Variants in PARP15 observed in about 807,000 individuals in gnomAD.
The protein encoded by PARP15 is poly(ADP-ribose) polymerase family member 15, also known as protein mono-ADP-ribosyltransferase PARP15.
A neutral mutation model predicts 62.1 loss-of-function variants in PARP15; 50 were observed. The observed-to-expected ratio is 0.81, with a 90% CI of 0.64 to 1.02. PARP15 has a LOEUF of 1.02. PARP15 is among the 50% of genes least tolerant of loss of function. PARP15 has a pLI of 0.00. For missense variants in PARP15, 820 were observed against 826.5 expected, an observed-to-expected ratio of 0.99 and a Z score of 0.10; for synonymous variants, 309 against 293.1, an observed-to-expected ratio of 1.05 and a Z score of -0.55.
At chr3:122,594,567 T>G in intron 1 of PARP15, 1 of 978,938 alleles carries the variant, frequency 1.0e-6, no homozygotes, top group Non-Finnish European at 1.2e-6. Context: ...GTAGGGTAAG[T>G]TGAAATTGAT....
chr3:122,626,623 C>G (rs2107588628), intron 8 of PARP15, among the ~76,000 whole-genome samples: 1 of 152,254 alleles, frequency 6.6e-6, no homozygotes, highest in South Asian at 2.1e-4. Flanking sequence ...TGTGTTAATT[C>G]ATCATGGTCA....
chr3:122,598,978 G>C (rs538602253), intron 1 of PARP15, among the ~76,000 whole-genome samples: 1 of 151,986 alleles, frequency 6.6e-6, no homozygotes, highest in Non-Finnish European at 1.5e-5. Flanking sequence ...TCACTGCAAG[G>C]TCTGCCTCCC....
At chr3:122,592,865 C>CT (rs1453832395) in intron 1 of PARP15, among the ~76,000 whole-genome samples, 2 of 152,062 alleles carry the variant, frequency 1.3e-5, no homozygotes, top group African/African-American at 4.8e-5. Flanking sequence ...GCTTTTAAGC[C>CT]TTACACTAAA....
rs377056537 is a variant in PARP15, at chr3:122,635,053, A to G, written c.1606A>G (p.Ser536Gly). 2.7e-5 allele frequency: 43 copies of G among 1,614,016 alleles called. No homozygotes were observed. Among genetic ancestry groups the G allele is most frequent in the East Asian group, 8.9e-5 (4 of 44,878 alleles). The change falls in exon 11 of 12, where the codon AGC (serine) becomes GGC (glycine). Residue 536 changes from serine (S) to glycine (G), a missense_variant. Physicochemically the swap from Ser to Gly is moderately conservative, Grantham distance 56. Coordinates refer to ENST00000464300, the MANE Select transcript of PARP15 (RefSeq NM_001113523.3). Reference sequence around the variant, plus strand: ...GATACAGAATGCATTTCTCTGGCAGAGCTACCAGGTAAAGAAAAGGCAAAT... The same window carrying G: ...GATACAGAATGCATTTCTCTGGCAGGGCTACCAGGTAAAGAAAAGGCAAAT... ...ERIQNAFLWQ[S>G]YQVKKRQMDI...
At position 122,579,997 on chromosome 3, in the gene PARP15, A is replaced by ATG. The variant is rs748862802; in HGVS notation, c.186+2146_186+2147dup. Among the ~76,000 whole-genome samples, 49 of 54,430 alleles carry ATG rather than the reference A, an allele frequency of 9.0e-4. 1 individual carries two copies. The highest frequency in any genetic ancestry group is 2.1e-3 in the African/African-American group (39 of 18,570). 35.7% of individuals were successfully genotyped at this position (54,430 alleles called of 152,430 possible). ...CTGTCTGAACAACAACAGCAACTAT[A>ATG]TGTATATATATATATATATATATAT... On this transcript the variant is annotated intron_variant, in intron 1 of 11. Coordinates refer to ENST00000464300, the MANE Select transcript of PARP15 (RefSeq NM_001113523.3).
intron 1 of PARP15, among the ~76,000 whole-genome samples, chr3:122,593,436 C>T (rs1559934066): frequency 6.6e-6 from 1 of 152,144 alleles, no homozygotes. Flanking sequence ...GCCACTGCGC[C>T]TGGCCAATTT....
chr3:122,592,862 AG>A (rs1379095053), intron 1 of PARP15, among the ~76,000 whole-genome samples: 1 of 152,174 alleles, frequency 6.6e-6, no homozygotes, highest in Admixed American at 6.5e-5. Flanking sequence ...CTTGCTTTTA[AG>A]CCTTACACTA....
In PARP15 at chr3:122,635,240, G is replaced by A. The variant is rs766079646; in HGVS notation, c.1747+46G>A. 7.0e-6 allele frequency: 11 copies of A among 1,573,134 alleles called. No homozygotes were observed. The Admixed American group carries it at 1.9e-4, about 28-fold the overall frequency. On this transcript the variant is annotated intron_variant, in intron 11 of 11. Transcript: ENST00000464300. ...GCTGATCAGAATAAGGCAAACAATA[G>A]TCTCAGACTTTTCATACCCAAGCAG...
At chr3:122,609,394 G>T (rs1325640293) in intron 2 of PARP15, among the ~76,000 whole-genome samples, 2 of 152,066 alleles carry the variant, frequency 1.3e-5, no homozygotes, top group East Asian at 3.9e-4. Flanking sequence ...GTTCCCCAAA[G>T]AACCAGGACA....
intron 2 of PARP15, among the ~76,000 whole-genome samples, chr3:122,606,269 A>C (rs1291855813): frequency 6.6e-6 from 1 of 152,170 alleles, no homozygotes; most frequent in East Asian, 1.9e-4. Flanking sequence ...GAGGGGTTCA[A>C]GTTTAACCAC....
At chr3:122,613,866 G>A (rs1326109616) in intron 4 of PARP15, among the ~76,000 whole-genome samples, 1 of 133,432 alleles carries the variant, frequency 7.5e-6, no homozygotes, top group African/African-American at 2.9e-5. Context: ...CTGTTACCCA[G>A]GCTGGAGTGC....
In PARP15 at chr3:122,577,694, C is replaced by T. The variant is rs903775067; in HGVS notation, c.27C>T (p.Ala9=). The change falls in exon 1 of 12, where the codon GCC becomes GCT. Residue 9 remains alanine (A), a synonymous_variant. Transcript: ENST00000464300. MAAPGPLP[A]AALSPGAPTP... ...TGGCTGCGCCAGGCCCCCTTCCTGCCGCTGCTCTGAGTCCAGGGGCTCCGA... is the reference window on the plus strand; with the variant it reads ...TGGCTGCGCCAGGCCCCCTTCCTGCTGCTGCTCTGAGTCCAGGGGCTCCGA... The T allele has an allele frequency of 3.6e-5, 56 of 1,551,404 alleles. No homozygotes were observed. The African/African-American group carries it at 7.0e-4, about 19-fold the overall frequency.
At chr3:122,584,918 A>G (rs1042424773) in intron 1 of PARP15, among the ~76,000 whole-genome samples, 8 of 152,118 alleles carry the variant, frequency 5.3e-5, no homozygotes, top group African/African-American at 1.9e-4. Flanking sequence ...AATCGGTGTT[A>G]AATTTGGTCT....
At chr3:122,596,374 A>T (rs892685268) in intron 1 of PARP15, among the ~76,000 whole-genome samples, 1 of 151,010 alleles carries the variant, frequency 6.6e-6, no homozygotes, top group African/African-American at 2.4e-5. Flanking sequence ...AAAAAAAAAA[A>T]AAAAAAGCAT....
chr3:122,620,954 C>T (rs961435606), intron 7 of PARP15, among the ~76,000 whole-genome samples: 3 of 152,302 alleles, frequency 2.0e-5, no homozygotes, highest in South Asian at 2.1e-4. Flanking sequence ...AAGTTTTCAT[C>T]CTTTCACACC....
rs1471495316 is a variant in PARP15, at chr3:122,635,208, T to C, written c.1747+14T>C. ...CTGGGAAAAATGGTAAGGAAGCAAGTAATTTGGCTGATCAGAATAAGGCAA... is the reference window on the plus strand; with the variant it reads ...CTGGGAAAAATGGTAAGGAAGCAAGCAATTTGGCTGATCAGAATAAGGCAA... On this transcript the variant is annotated intron_variant, in intron 11 of 11. Coordinates refer to ENST00000464300, the MANE Select transcript of PARP15 (RefSeq NM_001113523.3). 1.2e-6 allele frequency: 2 copies of C among 1,611,490 alleles called. No homozygotes were observed. The highest frequency in any genetic ancestry group is 3.4e-5 in the Admixed American group (2 of 59,608).
At chr3:122,594,834 A>G in intron 1 of PARP15, 2 of 983,130 alleles carry the variant, frequency 2.0e-6, no homozygotes, top group Non-Finnish European at 2.4e-6. Context: ...ACAGACAACA[A>G]CCATTAAGAT....
At chr3:122,609,753 T>A (rs1318243975) in intron 2 of PARP15, among the ~76,000 whole-genome samples, 1 of 151,770 alleles carries the variant, frequency 6.6e-6, no homozygotes, top group Non-Finnish European at 1.5e-5. Context: ...TTGTCTCCTC[T>A]TACTCCCAAC....
At chr3:122,616,485 A>G (rs1935982132) in intron 5 of PARP15, among the ~76,000 whole-genome samples, 1 of 152,012 alleles carries the variant, frequency 6.6e-6, no homozygotes, top group South Asian at 2.1e-4. Flanking sequence ...GTGCACCACC[A>G]CACCCAGCTA....
Sources: gnomAD v4.1 joint callset for allele counts (sites outside exome capture counted in the v4.1 genomes callset) on GRCh38, gnomAD v4.1.1 for gene constraint, MANE v1.5 for transcripts, NCBI Gene and HGNC (gene_info 2026-07-23, HGNC 2026-07-21) for gene names.